Variants in GRK3 observed in about 807,000 individuals in gnomAD.
The protein encoded by GRK3 is adrenergic, beta, receptor kinase 2.
Under a neutral mutation model 95.7 loss-of-function variants are expected in GRK3, and 54 were observed. The observed-to-expected ratio is 0.56, with a 90% confidence interval of 0.45 to 0.71. The LOEUF (loss-of-function observed/expected upper bound fraction) is 0.71, where lower values mean the gene tolerates loss of function less well. Ranked by LOEUF, GRK3 falls within the 30% of genes least tolerant of loss-of-function variation. The pLI, the probability that GRK3 is intolerant of heterozygous loss-of-function variation, is 0.00. For missense variants in GRK3, 649 were observed against 851.2 expected, an observed-to-expected ratio of 0.76 and a Z score of 2.96; for synonymous variants, 281 against 290.8, an observed-to-expected ratio of 0.97 and a Z score of 0.34.
At chr22:25,713,108 A>T (rs564637473) in intron 17 of GRK3, among the ~76,000 whole-genome samples, 1 of 152,364 alleles carries the variant, frequency 6.6e-6, no homozygotes, top group African/African-American at 2.4e-5. Context: ...GCGGTAGAAC[A>T]GTGTCTATTA....
At chr22:25,566,548 A>G (rs1451828818) in intron 1 of GRK3, among the ~76,000 whole-genome samples, 2 of 152,092 alleles carry the variant, frequency 1.3e-5, no homozygotes, top group African/African-American at 4.8e-5. Flanking sequence ...AGGATGTGCT[A>G]CTCTTTGATA....
At chr22:25,697,962 T>C (rs2085222879) in intron 13 of GRK3, among the ~76,000 whole-genome samples, 1 of 152,196 alleles carries the variant, frequency 6.6e-6, no homozygotes, top group African/African-American at 2.4e-5. Context: ...GGAAACATTT[T>C]TGACTTAAGT....
chr22:25,583,348 T>C (rs1389497704), intron 1 of GRK3, among the ~76,000 whole-genome samples: 1 of 149,224 alleles, frequency 6.7e-6, no homozygotes, highest in East Asian at 1.9e-4. Context: ...CCTGGCGTTT[T>C]TCTGTGTACT....
At chr22:25,699,251 G>C (rs144169999) in intron 13 of GRK3, among the ~76,000 whole-genome samples, 5 of 152,192 alleles carry the variant, frequency 3.3e-5, no homozygotes, top group East Asian at 1.9e-4. Context: ...TGTATAGAAG[G>C]GAGCCCCTGG....
intron 1 of GRK3, among the ~76,000 whole-genome samples, chr22:25,588,091 G>A (rs113276635): frequency 0.047 from 7,082 of 152,000 alleles, 201 homozygotes; most frequent in African/African-American, 0.094. Context: ...GAGCCACCAC[G>A]CCCTGCCTGT....
At chr22:25,578,996 A>C (rs747820444) in intron 1 of GRK3, among the ~76,000 whole-genome samples, 1 of 152,118 alleles carries the variant, frequency 6.6e-6, no homozygotes, top group Non-Finnish European at 1.5e-5. Flanking sequence ...AGAACACCTC[A>C]TTGATCACCA....
chr22:25,647,447 G>A lies in GRK3; in HGVS notation c.264+2782G>A, dbSNP rs2084793613. 3.8e-6 allele frequency: 5 copies of A among 1,316,164 alleles called. No individual in the cohort carries two copies. In the East Asian group the frequency reaches 1.2e-4, roughly 30 times the overall value. The allele number at this position is 1,316,164 out of a possible 1,614,324, so 81.5% of individuals were successfully genotyped here. A position where few individuals can be genotyped will look rare whatever the true frequency, so the allele number is the denominator to read the frequency against. Reference sequence around the variant, plus strand: ...GTCTTTCCATTCCATTATACCATTTGGAGGATCCTCAGGGGTAACACCTTT... The same window carrying A: ...GTCTTTCCATTCCATTATACCATTTAGAGGATCCTCAGGGGTAACACCTTT... On this transcript the variant is annotated intron_variant, in intron 3 of 20. Transcript: ENST00000324198.
intron 1 of GRK3, among the ~76,000 whole-genome samples, chr22:25,570,282 A>T (rs971030328): frequency 6.6e-6 from 1 of 152,160 alleles, no homozygotes; most frequent in African/African-American, 2.4e-5. Flanking sequence ...GCTGGTGTTA[A>T]TGAGAAATTG....
At chr22:25,648,940 A>T in intron 3 of GRK3, 1 of 893,660 alleles carries the variant, frequency 1.1e-6, no homozygotes, top group Non-Finnish European at 1.9e-6. Flanking sequence ...GTTGCACTGT[A>T]TGGTGGGTTT....
chr22:25,601,224 C>T (rs963480662), intron 1 of GRK3, among the ~76,000 whole-genome samples: 7 of 152,088 alleles, frequency 4.6e-5, no homozygotes, highest in Non-Finnish European at 1.0e-4. Flanking sequence ...TTTAAGTGTA[C>T]GTGAACTACT....
chr22:25,659,212 C>T (rs1480212744), intron 3 of GRK3, among the ~76,000 whole-genome samples: 4 of 152,092 alleles, frequency 2.6e-5, no homozygotes, highest in African/African-American at 9.7e-5. Context: ...GGATAGGTCA[C>T]AGAAGTCAGA....
intron 2 of GRK3, among the ~76,000 whole-genome samples, chr22:25,611,036 A>G (rs1408167230): frequency 6.6e-6 from 1 of 151,848 alleles, no homozygotes; most frequent in Non-Finnish European, 1.5e-5. Context: ...TAATTTTTGT[A>G]TTTTTAGTAG....
At chr22:25,636,195 A>G (rs1231392104) in intron 2 of GRK3, among the ~76,000 whole-genome samples, 1 of 152,144 alleles carries the variant, frequency 6.6e-6, no homozygotes, top group Non-Finnish European at 1.5e-5. Context: ...AAGGAGCTCT[A>G]GTTGCTTTTA....
intron 3 of GRK3, chr22:25,647,876 C>T (rs527545186): frequency 2.5e-5 from 16 of 640,622 alleles, no homozygotes; most frequent in African/African-American, 2.3e-4. Context: ...TTTGGGAGGC[C>T]GAGTTGGGCG....
intron 2 of GRK3, among the ~76,000 whole-genome samples, chr22:25,633,423 G>A (rs533771321): frequency 3.0e-4 from 45 of 152,046 alleles, no homozygotes; most frequent in Non-Finnish European, 6.3e-4. Flanking sequence ...CAAGTCTTCC[G>A]ATCCATTCCA....
intron 1 of GRK3, among the ~76,000 whole-genome samples, chr22:25,583,579 A>G (rs995151789): frequency 2.6e-5 from 4 of 152,094 alleles, no homozygotes; most frequent in African/African-American, 4.8e-5. Context: ...CCCTCTGGAC[A>G]TGGGCTCCTT....
At position 25,564,947 on chromosome 22, in the gene GRK3, C is replaced by A. The variant is rs983723153; in HGVS notation, c.-94C>A. 4.5e-6 allele frequency: 1 copy of A among 224,380 alleles called. No homozygotes were observed. The highest frequency in any genetic ancestry group is 7.7e-6 in the Non-Finnish European group (1 of 129,734). The allele number at this position is 224,380 out of a possible 1,614,324, so 13.9% of individuals were successfully genotyped here. ...GAGGGGGGGGCTGCCCCGGGGCGGC[C>A]CCCCCAGGTCGGGGCGCGGCGGGCG... On this transcript the variant is annotated 5_prime_UTR_variant, in exon 1 of 21. Transcript: ENST00000324198.
rs2085491201 is a variant in GRK3 at position 25,728,420 on chromosome 22, C to G, written c.*5970C>G. ...CTTTGCAGTGTCATTCCCTCAGAAC[C>G]TAGGTTTGTTTCTAAAGCCACGGTA... On this transcript the variant is annotated 3_prime_UTR_variant, in exon 21 of 21. Transcript: ENST00000324198. 1 of 152,182 alleles carries G rather than the reference C, an allele frequency of 6.6e-6. No homozygotes were observed. Among genetic ancestry groups the G allele is most frequent in the African/African-American group, 2.4e-5 (1 of 41,430 alleles). The allele number at this position is 152,182 out of a possible 1,614,324, so 9.4% of individuals were successfully genotyped here.
chr22:25,708,000 G>A (rs1376804316), intron 15 of GRK3, among the ~76,000 whole-genome samples: 2 of 152,134 alleles, frequency 1.3e-5, no homozygotes, highest in African/African-American at 4.8e-5. Context: ...TACTTTGGGA[G>A]GCCGAGGTGG....
Sources: allele counts gnomAD v4.1 joint callset (sites outside exome capture counted in the v4.1 genomes callset), GRCh38; gene constraint gnomAD v4.1.1; transcripts MANE v1.5; gene names NCBI Gene and HGNC (gene_info 2026-07-23, HGNC 2026-07-21).